Variants in TPRX1 observed in about 807,000 individuals in gnomAD.
TPRX1 encodes tetrapeptide repeat homeobox 1.
A neutral mutation model predicts 8.1 loss-of-function variants in TPRX1; 2 were observed. The observed-to-expected ratio is 0.25, with a 90% CI of 0.10 to 0.78. The LOEUF is 0.78. Ranked by LOEUF, TPRX1 falls within the 30% of genes least tolerant of loss-of-function variation. The pLI is 0.70. For synonymous variants in TPRX1, 257 were observed against 254.1 expected, an observed-to-expected ratio of 1.01 and a Z score of -0.11; for missense variants, 517 against 586.9, an observed-to-expected ratio of 0.88 and a Z score of 1.23.
At chr19:47,815,392 A>G (rs1967830418) in intron 2 of TPRX1, among the ~76,000 whole-genome samples, 1 of 147,656 alleles carries the variant, frequency 6.8e-6, no homozygotes, top group Admixed American at 6.8e-5. Flanking sequence ...TGACCTCGTG[A>G]TCCACCCACC....
exon 4 of TPRX1, chr19:47,802,382 G>A (rs1967680285): frequency 1.0e-6 from 1 of 1,001,712 alleles, no homozygotes; most frequent in African/African-American, 1.6e-5. Flanking sequence ...GCCTGAGATT[G>A]GGCCTGGGAT....
rs1057089090 is a variant in TPRX1, at chr19:47,803,113, AGGGCCCC to A, written c.322-140_322-134del. Reference sequence around the variant, plus strand: ...CCCCCATCCCCCACCCCACCAAAAGAGGGCCCCGGCTCCAAGGCCTGGAGAATGGAGG... The same window carrying A: ...CCCCCATCCCCCACCCCACCAAAAGAGGCTCCAAGGCCTGGAGAATGGAGG... On this transcript the variant is annotated intron_variant, in intron 3 of 3. Transcript: ENST00000535759. 6.2e-6 allele frequency: 5 copies of A among 804,730 alleles called. No homozygotes were observed. The African/African-American group carries it at 1.0e-4, about 17-fold the overall frequency. The allele number at this position is 804,730 out of a possible 1,614,324, so 49.8% of individuals were successfully genotyped here.
chr19:47,816,722 T>C (rs376662785), intron 2 of TPRX1, among the ~76,000 whole-genome samples: 354 of 149,806 alleles, frequency 2.4e-3, no homozygotes, highest in South Asian at 4.4e-3. Flanking sequence ...TTAGTAGAGA[T>C]GGGGTTTCAC....
Position 47,803,095 on chromosome 19 carries a change from C to G in TPRX1, c.322-115G>C, listed in dbSNP as rs1364362128. ...CTCCCTGTGCTCAACAGCCCCCCATCCCCCACCCCACCAAAAGAGGGCCCC... is the reference window on the plus strand; with the variant it reads ...CTCCCTGTGCTCAACAGCCCCCCATGCCCCACCCCACCAAAAGAGGGCCCC... On this transcript the variant is annotated intron_variant, in intron 3 of 3. Coordinates refer to ENST00000535759, the Ensembl canonical transcript of TPRX1. 6 of 1,263,616 alleles carry G rather than the reference C, an allele frequency of 4.7e-6. No individual in the cohort carries two copies. The African/African-American group carries it at 6.0e-5, about 13-fold the overall frequency. 78.3% of individuals were successfully genotyped at this position (1,263,616 alleles called of 1,614,324 possible).
At position 47,815,164 on chromosome 19, in the gene TPRX1, T is replaced by TATATATATATATATATA. The variant is rs1228376903; in HGVS notation, c.151+3303_151+3304insTATATATATATATATAT. Among the ~76,000 whole-genome samples, 51 of 49,886 alleles carry TATATATATATATATATA rather than the reference T, an allele frequency of 1.0e-3. 2 individuals are homozygous for TATATATATATATATATA. The highest frequency in any genetic ancestry group is 1.6e-3 in the South Asian group (3 of 1,834). The allele number at this position is 49,886 out of a possible 152,430, so 32.7% of individuals were successfully genotyped here. ...TATATGCAAATATATATATATATAT[T>TATATATATATATATATA]TTTTTTTTTTGAGACAGTCTTGCTA... is the stretch of plus-strand genomic sequence containing the variant. On this transcript the variant is annotated intron_variant, in intron 2 of 3. Transcript: ENST00000535759.
At chr19:47,806,338 G>A (rs1967735091) in intron 2 of TPRX1, among the ~76,000 whole-genome samples, 1 of 152,110 alleles carries the variant, frequency 6.6e-6, no homozygotes. Flanking sequence ...GGTCGACATG[G>A]TGAAAATCCG....
At chr19:47,802,149 A>G (rs781102242) in exon 4 of TPRX1, 26 of 1,593,178 alleles carry the variant, frequency 1.6e-5, no homozygotes, top group Non-Finnish European at 2.2e-5. Context: ...CCAGGACTTA[A>G]GATGGGACCT....
chr19:47,815,136 A>ATATATATATATATATATC (rs1967824677), intron 2 of TPRX1, among the ~76,000 whole-genome samples: 1 of 111,918 alleles, frequency 8.9e-6, no homozygotes, highest in East Asian at 2.2e-4. Flanking sequence ...ATATATATAT[A>ATATATATATATATATATC]TATATATGCA....
At chr19:47,802,141 A>G in exon 4 of TPRX1, 1 of 1,589,658 alleles carries the variant, frequency 6.3e-7, no homozygotes, top group South Asian at 1.2e-5. Context: ...GCATCCGGCC[A>G]GGACTTAAGA....
At chr19:47,817,254 C>A (rs1314811168) in intron 2 of TPRX1, among the ~76,000 whole-genome samples, 1 of 152,184 alleles carries the variant, frequency 6.6e-6, no homozygotes, top group Non-Finnish European at 1.5e-5. Context: ...GAACCACAGA[C>A]CTTGGGAACA....
intron 2 of TPRX1, among the ~76,000 whole-genome samples, chr19:47,816,228 A>G (rs6509344): frequency 0.4 from 59,247 of 148,478 alleles, 11,708 homozygotes; most frequent in Middle Eastern, 0.49. Flanking sequence ...ACCACCATAC[A>G]GCTAATTTTT....
Position 47,818,371 on chromosome 19 carries a change from C to T in TPRX1, c.151+97G>A, listed in dbSNP as rs1396972835. On this transcript the variant is annotated intron_variant, in intron 2 of 3. Transcript: ENST00000535759. Reference sequence around the variant, plus strand: ...ATCCATCCATCCATCCATCCATCATCCATCACCCATCCATCCCTCCATCCA... The same window carrying T: ...ATCCATCCATCCATCCATCCATCATTCATCACCCATCCATCCCTCCATCCA... 5 of 392,774 alleles carry T rather than the reference C, an allele frequency of 1.3e-5. 1 individual carries two copies. The East Asian group carries it at 4.0e-4, about 32-fold the overall frequency. 24.3% of individuals were successfully genotyped at this position (392,774 alleles called of 1,614,324 possible).
At chr19:47,814,598 A>G (rs1051504248) in intron 2 of TPRX1, among the ~76,000 whole-genome samples, 6 of 151,908 alleles carry the variant, frequency 3.9e-5, no homozygotes, top group African/African-American at 1.2e-4. Flanking sequence ...TGGGAAGGGG[A>G]GTGCAAGCAT....
intron 2 of TPRX1, among the ~76,000 whole-genome samples, chr19:47,813,015 G>A (rs1202282041): frequency 6.6e-6 from 1 of 151,850 alleles, no homozygotes; most frequent in Non-Finnish European, 1.5e-5. Flanking sequence ...GTTGAAGCAG[G>A]AGAATCGCTT....
At position 47,804,553 on chromosome 19, in the gene TPRX1, C is replaced by A. The variant is rs1967716721; in HGVS notation, c.152-880G>T. On this transcript the variant is annotated intron_variant, in intron 2 of 3. Coordinates refer to ENST00000535759, the Ensembl canonical transcript of TPRX1. ...AGGGTCTTGCATCCTGAGTCCTGAT[C>A]TGTTCCCAAACACAAGTGTGTACTG... Among the ~76,000 whole-genome samples, 1 of 152,218 alleles carries A rather than the reference C, an allele frequency of 6.6e-6. No individual in the cohort carries two copies. The highest frequency in any genetic ancestry group is 2.4e-5 in the African/African-American group (1 of 41,460).
At chr19:47,810,815 A>T (rs1967776190) in intron 2 of TPRX1, among the ~76,000 whole-genome samples, 2 of 151,828 alleles carry the variant, frequency 1.3e-5, no homozygotes, top group South Asian at 4.2e-4. Flanking sequence ...GGAGGGGCAC[A>T]TGGGCAACAA....
exon 4 of TPRX1, chr19:47,801,415 A>C (rs1171823017): frequency 4.9e-6 from 1 of 202,692 alleles, no homozygotes; most frequent in Non-Finnish European, 9.8e-6. Context: ...ACAAAACCAC[A>C]AGTCATTGGA....
chr19:47,817,419 G>T (rs187341634), intron 2 of TPRX1, among the ~76,000 whole-genome samples: 1,699 of 152,274 alleles, frequency 0.011, 15 homozygotes, highest in Non-Finnish European at 0.019. Context: ...GCCAGCACCT[G>T]CCCCGGAGCC....
intron 2 of TPRX1, among the ~76,000 whole-genome samples, chr19:47,806,633 G>T (rs956053405): frequency 2.0e-5 from 3 of 152,168 alleles, no homozygotes; most frequent in Non-Finnish European, 2.9e-5. Context: ...GCTCTGATAC[G>T]TGCTACAACA....
Sources: allele counts gnomAD v4.1 joint callset (sites outside exome capture counted in the v4.1 genomes callset), GRCh38; gene constraint gnomAD v4.1.1; transcripts MANE v1.5; gene names NCBI Gene and HGNC (gene_info 2026-07-23, HGNC 2026-07-21).